The following ZNF655 variants were observed in gnomAD, a reference collection of about 807,000 sequenced individuals.
The protein encoded by ZNF655 is Vav-interacting Kruppel-like protein 1.
A neutral mutation model predicts 6.6 loss-of-function variants in ZNF655; 3 were observed. The ratio of observed to expected loss-of-function variants is 0.46; its 90% confidence interval spans 0.21 to 1.18. ZNF655 has a LOEUF of 1.18. ZNF655 is among the 50% of genes most tolerant of loss of function. The pLI is 0.24. For synonymous variants in ZNF655, 178 were observed against 195.0 expected (o/e 0.91, Z 0.73); for missense variants, 526 against 572.3 (o/e 0.92, Z 0.83).
chr7:99,562,431 C>T, intron 2 of ZNF655: 1 of 1,614,032 alleles, frequency 6.2e-7, no homozygotes, highest in Non-Finnish European at 8.5e-7. Context: ...ATACCTGGAC[C>T]CTGTTCAGAG....
intron 2 of ZNF655, chr7:99,564,041 T>C: frequency 6.2e-7 from 1 of 1,607,060 alleles, no homozygotes; most frequent in Non-Finnish European, 8.5e-7. Flanking sequence ...GCTCGGAAAC[T>C]CCTTTTCCAC....
intron 2 of ZNF655, chr7:99,563,752 G>A (rs148070228): frequency 8.2e-7 from 1 of 1,226,730 alleles, no homozygotes; most frequent in African/African-American, 1.6e-5. Context: ...GCATTGCTTT[G>A]TCTCCCTGAT....
intron 1 of ZNF655, chr7:99,559,024 A>G (rs1015770753): frequency 6.6e-5 from 10 of 152,380 alleles, no homozygotes; most frequent in African/African-American, 2.2e-4. Flanking sequence ...GCTGGTCTGT[A>G]TGTCCTCACT....
intron 2 of ZNF655, chr7:99,570,266 A>G (rs1803940940): frequency 6.6e-6 from 1 of 152,252 alleles, no homozygotes; most frequent in Admixed American, 6.5e-5. Context: ...TTGCTGCTTC[A>G]TGTTACACTA....
chr7:99,562,443 G>A (rs772310538), intron 2 of ZNF655: 1 of 1,614,156 alleles, frequency 6.2e-7, no homozygotes, highest in Non-Finnish European at 8.5e-7. Flanking sequence ...TGTTCAGAGG[G>A]ACCTCTACAG....
At position 99,572,739 on chromosome 7, in the gene ZNF655, T is replaced by A. The variant is rs1179943874; in HGVS notation, c.631T>A (p.Ser211Thr). ...KWESIPNTEK[S>T]YKCDVCGKIF... is the part of the protein sequence containing the mutation. ...GGAGAGCATCCCTAACACTGAGAAA[T>A]CCTATAAATGTGATGTATGTGGGAA... The change falls in exon 3 of 3, where the codon TCC becomes ACC. Residue 211 changes from serine (S) to threonine (T), a missense_variant. By Grantham distance (58) the Ser-to-Thr change is moderately conservative. Coordinates refer to ENST00000252713, the MANE Select transcript of ZNF655 (RefSeq NM_138494.3). 4.3e-6 allele frequency: 7 copies of A among 1,613,070 alleles called. No individual in the cohort carries two copies. Among genetic ancestry groups the A allele is most frequent in the Non-Finnish European group, 5.1e-6 (6 of 1,179,916 alleles).
intron 2 of ZNF655, chr7:99,571,027 TCTC>T: frequency 8.4e-6 from 2 of 238,684 alleles, no homozygotes; most frequent in South Asian, 8.2e-5. Flanking sequence ...TTTAGAGCTG[TCTC>T]TGTGTAGAGT....
At chr7:99,565,179 T>G (rs554237767) in intron 2 of ZNF655, among the ~76,000 whole-genome samples, 1 of 152,270 alleles carries the variant, frequency 6.6e-6, no homozygotes, top group South Asian at 2.1e-4. Context: ...AAGACTTTTT[T>G]TTTTTTTGAG....
At chr7:99,572,186 C>G in intron 2 of ZNF655, 59 bp from the exon 3 acceptor site, 2 of 1,486,478 alleles carry the variant, frequency 1.3e-6, no homozygotes, top group African/African-American at 2.8e-5. Context: ...TCTGAGTTTT[C>G]TTTTCCTAAG....
At chr7:99,559,039 C>T (rs1408549792) in intron 1 of ZNF655, 2 of 152,330 alleles carry the variant, frequency 1.3e-5, no homozygotes, top group Non-Finnish European at 2.9e-5. Context: ...CTCACTGGTC[C>T]TTTTGGGACT....
At position 99,574,757 on chromosome 7, in the gene ZNF655, A is replaced by G. The variant is rs1218100065; in HGVS notation, c.*1173A>G. 2.0e-5 allele frequency: 3 copies of G among 152,114 alleles called. No individual in the cohort carries two copies. Among genetic ancestry groups the G allele is most frequent in the Non-Finnish European group, 4.4e-5 (3 of 68,026 alleles). The allele number at this position is 152,114 out of a possible 1,614,324, so 9.4% of individuals were successfully genotyped here. ...AAACCAACTCTTAGGCCTGCTCTTT[A>G]CTAGGGATCTTATGTCGTATTGCTT... On this transcript the variant is annotated 3_prime_UTR_variant, in exon 3 of 3. Transcript: ENST00000252713.
rs368156615 is a variant in ZNF655 at position 99,573,465 on chromosome 7, C to G, written c.1357C>G (p.Leu453Val). 1.2e-5 allele frequency: 19 copies of G among 1,613,734 alleles called. No individual in the cohort carries two copies. Among genetic ancestry groups the G allele is most frequent in the South Asian group, 5.5e-5 (5 of 91,090 alleles). Residue 453 changes from leucine to valine, a missense_variant, in exon 3 of 3, where the codon CTG (leucine) becomes GTG (valine). By Grantham distance (32) the Leu-to-Val change is conservative. Transcript: ENST00000252713. ...TTTCAGTCATAGCTCAGATCTTATCCTGCAACAAGAAGTCCTCACCAGACA... is the reference window on the plus strand; with the variant it reads ...TTTCAGTCATAGCTCAGATCTTATCGTGCAACAAGAAGTCCTCACCAGACA... The part of the protein sequence containing the change: ...GSFSHSSDLI[L>V]QQEVLTRQKA...
rs767994204 is a variant in ZNF655 at position 99,562,324 on chromosome 7, AC to A, written c.136+1630del. Reference sequence around the variant, plus strand: ...ATCTTCATTCTCTGGCCATGGTGCTACAGTGTTCTCATTCCTCAGAGCAGCC... The same window carrying A: ...ATCTTCATTCTCTGGCCATGGTGCTAAGTGTTCTCATTCCTCAGAGCAGCC... On this transcript the variant is annotated intron_variant, in intron 2 of 2. Transcript: ENST00000252713. 3.3e-5 allele frequency: 53 copies of A among 1,610,270 alleles called. No individual in the cohort carries two copies. In the African/African-American group the frequency reaches 5.5e-4, roughly 17 times the overall value.
chr7:99,561,593 A>G (rs1803176050), intron 2 of ZNF655, among the ~76,000 whole-genome samples: 1 of 152,204 alleles, frequency 6.6e-6, no homozygotes, highest in Non-Finnish European at 1.5e-5. Context: ...TGCTTTGCCC[A>G]TCTGCAAAAC....
intron 2 of ZNF655, among the ~76,000 whole-genome samples, chr7:99,567,799 C>T (rs1351023710): frequency 1.3e-5 from 2 of 151,854 alleles, no homozygotes; most frequent in African/African-American, 2.4e-5. Flanking sequence ...CGGTGGCTCA[C>T]GCCTGTAATC....
At chr7:99,560,088 C>CTT (rs201559591) in intron 1 of ZNF655, among the ~76,000 whole-genome samples, 27 of 136,870 alleles carry the variant, frequency 2.0e-4, no homozygotes, top group South Asian at 9.4e-4. Context: ...TCTTTTTTTT[C>CTT]TTTTTTTTTT....
At position 99,575,221 on chromosome 7, in the gene ZNF655, C is replaced by T. The variant is rs1025220855; in HGVS notation, c.*1637C>T. 2 of 152,572 alleles carry T rather than the reference C, an allele frequency of 1.3e-5. No homozygotes were observed. The highest frequency in any genetic ancestry group is 2.9e-5 in the Non-Finnish European group (2 of 68,098). 9.5% of individuals were successfully genotyped at this position (152,572 alleles called of 1,614,324 possible). A position where few individuals can be genotyped will look rare whatever the true frequency, so the allele number is the denominator to read the frequency against. On this transcript the variant is annotated 3_prime_UTR_variant, in exon 3 of 3. Coordinates refer to ENST00000252713, the MANE Select transcript of ZNF655 (RefSeq NM_138494.3). Reference sequence around the variant, plus strand: ...TCTACGGCCAGCAAAATGCTCAGGTCTGCTCTTGGTAGGGTAAACATAAAG... The same window carrying T: ...TCTACGGCCAGCAAAATGCTCAGGTTTGCTCTTGGTAGGGTAAACATAAAG...
At chr7:99,565,194 A>G (rs536675296) in intron 2 of ZNF655, among the ~76,000 whole-genome samples, 16 of 150,540 alleles carry the variant, frequency 1.1e-4, no homozygotes, top group African/African-American at 3.7e-4. Context: ...TTTGAGACGG[A>G]GTCTTGCTCT....
In ZNF655 at chr7:99,572,787, C is replaced by A; in HGVS notation, c.679C>A (p.Leu227Ile). The stretch of plus-strand genomic sequence containing the variant: ...GAAAATTTTCCATCAGAGCTCAGCC[C>A]TTACTAGACATCAGAGAATCCATAC... ...CGKIFHQSSA[L>I]TRHQRIHTRE... Residue 227 changes from leucine to isoleucine, a missense_variant, in exon 3 of 3, where the codon CTT becomes ATT. Coordinates refer to ENST00000252713, the MANE Select transcript of ZNF655 (RefSeq NM_138494.3). 6.2e-7 allele frequency: 1 copy of A among 1,613,364 alleles called. No individual in the cohort carries two copies. Among genetic ancestry groups the A allele is most frequent in the Non-Finnish European group, 8.5e-7 (1 of 1,179,878 alleles).
Sources: allele counts gnomAD v4.1 joint callset (sites outside exome capture counted in the v4.1 genomes callset), GRCh38; gene constraint gnomAD v4.1.1; transcripts MANE v1.5; gene names NCBI Gene and HGNC (gene_info 2026-07-23, HGNC 2026-07-21).